RALYL: variants seen among roughly 807,000 people sequenced by gnomAD.
RALYL encodes the protein RNA-binding Raly-like protein.
Under a neutral mutation model 35.1 loss-of-function variants are expected in RALYL, and 29 were observed. That is an observed-to-expected ratio of 0.83 (90% CI 0.61 to 1.13). The LOEUF (loss-of-function observed/expected upper bound fraction) is 1.13. Among genes scored for constraint, RALYL ranks in the 50% most tolerant of loss-of-function variants. RALYL has a pLI of 0.00. For synonymous variants in RALYL, 120 were observed against 127.6 expected (o/e 0.94, Z 0.40); for missense variants, 359 against 360.4 (o/e 1.00, Z 0.03).
At chr8:84,286,311 G>T (rs1177196813) in intron 1 of RALYL, among the ~76,000 whole-genome samples, 1 of 152,204 alleles carries the variant, frequency 6.6e-6, no homozygotes, top group Non-Finnish European at 1.5e-5. Context: ...GTTTGTGCAA[G>T]CGGAAATAAG....
intron 1 of RALYL, among the ~76,000 whole-genome samples, chr8:84,522,193 T>G (rs1445323528): frequency 6.6e-6 from 1 of 152,068 alleles, no homozygotes; most frequent in Non-Finnish European, 1.5e-5. Context: ...TTCAGCGGGT[T>G]CTTAATAAAA....
chr8:84,236,037 T>C (rs1826474874), intron 1 of RALYL, among the ~76,000 whole-genome samples: 1 of 152,152 alleles, frequency 6.6e-6, no homozygotes. Context: ...AGTGCTGGGA[T>C]TACAGATATT....
At chr8:84,503,764 G>A (rs937132312) in intron 1 of RALYL, among the ~76,000 whole-genome samples, 1 of 150,222 alleles carries the variant, frequency 6.7e-6, no homozygotes, top group East Asian at 2.0e-4. Flanking sequence ...CAGGAGAATC[G>A]GCTTGATGAT....
intron 1 of RALYL, among the ~76,000 whole-genome samples, chr8:84,376,116 T>TA (rs1419709629): frequency 5.3e-5 from 8 of 151,884 alleles, no homozygotes; most frequent in Non-Finnish European, 1.2e-4. Context: ...AAAGACCATT[T>TA]AAAATCTAAG....
intron 1 of RALYL, among the ~76,000 whole-genome samples, chr8:84,473,900 T>C (rs1380567738): frequency 6.6e-6 from 1 of 152,030 alleles, no homozygotes; most frequent in Admixed American, 6.6e-5. Flanking sequence ...CATACAATTA[T>C]CACTTTTCAT....
chr8:84,866,895 A>G (rs2135138511), intron 6 of RALYL, among the ~76,000 whole-genome samples: 1 of 152,312 alleles, frequency 6.6e-6, no homozygotes, highest in Admixed American at 6.5e-5. Flanking sequence ...AAAAATTCTC[A>G]GCAAAGTGCT....
chr8:84,432,845 A>AGG (rs955321966), intron 1 of RALYL, among the ~76,000 whole-genome samples: 1 of 152,132 alleles, frequency 6.6e-6, no homozygotes, highest in African/African-American at 2.4e-5. Flanking sequence ...GTTCCTACCC[A>AGG]GAGTCTCACA....
At chr8:84,783,392 C>T (rs536239232) in intron 3 of RALYL, among the ~76,000 whole-genome samples, 1 of 152,274 alleles carries the variant, frequency 6.6e-6, no homozygotes, top group Admixed American at 6.5e-5. Context: ...CGAAAGAGAT[C>T]TTACCTTTTT....
chr8:84,709,535 G>A (rs1308906393), intron 2 of RALYL, among the ~76,000 whole-genome samples: 1 of 151,108 alleles, frequency 6.6e-6, no homozygotes, highest in Non-Finnish European at 1.5e-5. Flanking sequence ...ATTTGTAATA[G>A]CTTTTTATAC....
At chr8:84,535,699 C>G (rs1188932772) in intron 2 of RALYL, among the ~76,000 whole-genome samples, 1 of 150,992 alleles carries the variant, frequency 6.6e-6, no homozygotes, top group Non-Finnish European at 1.5e-5. Context: ...CGGTCTTGAT[C>G]TCCTGGCCTC....
chr8:84,423,076 A>G (rs1342245626), intron 1 of RALYL, among the ~76,000 whole-genome samples: 1 of 150,282 alleles, frequency 6.7e-6, no homozygotes, highest in African/African-American at 2.4e-5. Flanking sequence ...TGCTTGGTGC[A>G]GAGCTGAGTT....
chr8:84,498,532 G>A (rs2056327170), intron 1 of RALYL, among the ~76,000 whole-genome samples: 1 of 152,130 alleles, frequency 6.6e-6, no homozygotes, highest in East Asian at 1.9e-4. Flanking sequence ...ATAGCTAGAT[G>A]CACTTCTAAC....
At chr8:84,259,673 C>A (rs1193337356) in intron 1 of RALYL, among the ~76,000 whole-genome samples, 3 of 152,074 alleles carry the variant, frequency 2.0e-5, no homozygotes, top group Admixed American at 1.3e-4. Flanking sequence ...TTGTATACAG[C>A]CTTGTGTTTT....
chr8:84,334,912 C>T (rs1312929659), intron 1 of RALYL, among the ~76,000 whole-genome samples: 2 of 152,150 alleles, frequency 1.3e-5, no homozygotes, highest in Admixed American at 1.3e-4. Flanking sequence ...TTATCCATCT[C>T]AAGCCTACTT....
At chr8:84,655,713 T>G (rs777222996) in intron 2 of RALYL, among the ~76,000 whole-genome samples, 8 of 152,134 alleles carry the variant, frequency 5.3e-5, no homozygotes, top group Non-Finnish European at 7.3e-5. Context: ...TTGTTTCAAT[T>G]TAGTGGGGAA....
In RALYL at chr8:84,913,026, G is replaced by A. The variant is rs1047406871; in HGVS notation, c.859-7868G>A. 5.9e-3 allele frequency among the ~76,000 whole-genome samples: 580 copies of A among 99,002 alleles called. 3 individuals are homozygous for A. The highest frequency in any genetic ancestry group is 0.019 in the African/African-American group (551 of 29,658). The allele number at this position is 99,002 out of a possible 152,430, so 64.9% of individuals were successfully genotyped here. A position where few individuals can be genotyped will look rare whatever the true frequency, so the allele number is the denominator to read the frequency against. ...TGGATGGATGGATGGATGGATGGAT[G>A]GATGGATAGGTAGGTAGATAGATAG... On this transcript the variant is annotated intron_variant, in intron 8 of 8. Transcript: ENST00000521268.
At chr8:84,621,939 G>T (rs1821611512) in intron 2 of RALYL, among the ~76,000 whole-genome samples, 3 of 152,096 alleles carry the variant, frequency 2.0e-5, no homozygotes. Flanking sequence ...TTTTGGTAAG[G>T]CTTTTATAAC....
intron 1 of RALYL, among the ~76,000 whole-genome samples, chr8:84,293,293 A>G (rs927059178): frequency 2.0e-5 from 3 of 152,172 alleles, no homozygotes; most frequent in African/African-American, 7.2e-5. Context: ...ATATGACTAC[A>G]ATGGTAGAAC....
chr8:84,886,486 G>A (rs1842933246), intron 7 of RALYL, among the ~76,000 whole-genome samples: 1 of 151,852 alleles, frequency 6.6e-6, no homozygotes, highest in South Asian at 2.1e-4. Flanking sequence ...TAAAAAATTA[G>A]GCTATTTAAA....
Sources: gnomAD v4.1 joint callset for allele counts (sites outside exome capture counted in the v4.1 genomes callset) on GRCh38, gnomAD v4.1.1 for gene constraint, MANE v1.5 for transcripts, NCBI Gene and HGNC (gene_info 2026-07-23, HGNC 2026-07-21) for gene names.